The following CTNNA2 variants were observed in gnomAD, a reference collection of about 807,000 sequenced individuals.
CTNNA2 encodes the protein catenin alpha-2.
CTNNA2 carries 42 observed loss-of-function variants against 101.0 expected under a neutral mutation model. The observed-to-expected ratio is 0.42, with a 90% CI of 0.32 to 0.54. CTNNA2 has a LOEUF of 0.54. Among genes scored for constraint, CTNNA2 ranks in the 20% least tolerant of loss-of-function variants. The pLI is 0.14. For missense variants in CTNNA2, 871 were observed against 1,223.1 expected (o/e 0.71, Z 4.29); for synonymous variants, 450 against 456.4 (o/e 0.99, Z 0.18).
In CTNNA2 at chr2:79,585,629, T is replaced by TA. The variant is rs1477651588; in HGVS notation, c.-5-65923_-5-65922insA. Among the ~76,000 whole-genome samples, 4 of 152,268 alleles carry TA rather than the reference T, an allele frequency of 2.6e-5. No individual in the cohort carries two copies. The East Asian group carries it at 7.7e-4, about 29-fold the overall frequency. On this transcript the variant is annotated intron_variant, in intron 1 of 18. Transcript: ENST00000402739. ...AGAAAGTTTATCAGTGATGAGATTT[T>TA]TAGTTTTTAAATTCCTGGTAATGAA...
intron 9 of CTNNA2, among the ~76,000 whole-genome samples, chr2:80,539,383 A>C (rs574401597): frequency 9.8e-5 from 14 of 143,158 alleles, no homozygotes; most frequent in Admixed American, 9.1e-4. Flanking sequence ...TTAAGTATTC[A>C]TGTACTTACA....
At chr2:79,747,160 C>T (rs948486406) in intron 3 of CTNNA2, among the ~76,000 whole-genome samples, 14 of 152,098 alleles carry the variant, frequency 9.2e-5, no homozygotes, top group African/African-American at 3.4e-4. Flanking sequence ...TAAATTATTA[C>T]TTTAATTTGC....
intron 7 of CTNNA2, among the ~76,000 whole-genome samples, chr2:80,034,840 C>T (rs535350628): frequency 5.9e-5 from 9 of 152,218 alleles, no homozygotes; most frequent in African/African-American, 2.2e-4. Context: ...CATAAATCTG[C>T]ACAACTCCTG....
chr2:79,480,740 G>A (rs1445560520), intron 4 of CTNNA2, among the ~76,000 whole-genome samples: 2 of 152,042 alleles, frequency 1.3e-5, no homozygotes, highest in African/African-American at 4.8e-5. Flanking sequence ...CTGGTACTTC[G>A]ATTTTTTTCT....
At chr2:80,644,194 C>T (rs1299576180) in intron 18 of CTNNA2, among the ~76,000 whole-genome samples, 2 of 152,068 alleles carry the variant, frequency 1.3e-5, no homozygotes, top group African/African-American at 4.8e-5. Context: ...CTTACGTTAC[C>T]TCCCTAAGCT....
chr2:79,290,253 G>T (rs546166785), intron 2 of CTNNA2, among the ~76,000 whole-genome samples: 4 of 152,048 alleles, frequency 2.6e-5, no homozygotes, highest in African/African-American at 4.8e-5. Flanking sequence ...CCCTAACATT[G>T]GGTATGTTGA....
At chr2:79,807,191 T>G (rs890873514) in intron 3 of CTNNA2, among the ~76,000 whole-genome samples, 4 of 152,174 alleles carry the variant, frequency 2.6e-5, no homozygotes, top group African/African-American at 9.6e-5. Flanking sequence ...TCTACTAGAC[T>G]GGGAATTATT....
intron 7 of CTNNA2, among the ~76,000 whole-genome samples, chr2:80,355,998 G>A (rs1388687940): frequency 6.6e-6 from 1 of 151,432 alleles, no homozygotes; most frequent in Non-Finnish European, 1.5e-5. Context: ...AATAATCACT[G>A]TCCACCTGCT....
At chr2:80,005,203 ATGCAGTTG>A (rs1204238200) in intron 7 of CTNNA2, among the ~76,000 whole-genome samples, 1 of 152,202 alleles carries the variant, frequency 6.6e-6, no homozygotes, top group East Asian at 1.9e-4. Flanking sequence ...AGGGCCCTGC[ATGCAGTTG>A]TGTGCATATA....
chr2:79,645,997 G>GA (rs1020443149), intron 1 of CTNNA2, among the ~76,000 whole-genome samples: 37 of 152,124 alleles, frequency 2.4e-4, no homozygotes, highest in Admixed American at 4.6e-4. Context: ...TATTGGTGAA[G>GA]AAAAAAATTC....
At chr2:80,461,976 A>G (rs1684467420) in intron 9 of CTNNA2, among the ~76,000 whole-genome samples, 1 of 152,164 alleles carries the variant, frequency 6.6e-6, no homozygotes, top group Admixed American at 6.5e-5. Context: ...TCTGCTTTGC[A>G]AGACATCATT....
In CTNNA2 at chr2:80,303,436, C is replaced by T. The variant is rs200965141; in HGVS notation, c.1057-89775C>T. The T allele has an allele frequency of 2.5e-6, 4 of 1,614,172 alleles. No homozygotes were observed. Among genetic ancestry groups the T allele is most frequent in the Non-Finnish European group, 3.4e-6 (4 of 1,180,040 alleles). On this transcript the variant is annotated intron_variant, in intron 7 of 18. Transcript: ENST00000402739. The surrounding 1 kb of genome is among the most constrained non-coding windows in gnomAD (Gnocchi z 7.7). Reference sequence around the variant, plus strand: ...GCATGGGCCGGAAGGTGGTGTTGGGCAGTTGGGTGATCTGGTTGGAACTCA... The same window carrying T: ...GCATGGGCCGGAAGGTGGTGTTGGGTAGTTGGGTGATCTGGTTGGAACTCA...
chr2:79,286,113 C>A (rs890309884), intron 2 of CTNNA2, among the ~76,000 whole-genome samples: 1 of 151,830 alleles, frequency 6.6e-6, no homozygotes, highest in Non-Finnish European at 1.5e-5. Context: ...CTTGGTAGAT[C>A]TTCCTCCATC....
chr2:79,964,457 C>T (rs1178489534), intron 7 of CTNNA2, among the ~76,000 whole-genome samples: 2 of 151,260 alleles, frequency 1.3e-5, no homozygotes, highest in Non-Finnish European at 2.9e-5. Context: ...ATTACTTTTC[C>T]CCTTTTAGCA....
intron 9 of CTNNA2, among the ~76,000 whole-genome samples, chr2:80,480,330 A>G (rs530747377): frequency 1.3e-5 from 2 of 152,186 alleles, no homozygotes; most frequent in Non-Finnish European, 2.9e-5. Context: ...AAAATTTATT[A>G]TAAAATCTAG....
intron 3 of CTNNA2, among the ~76,000 whole-genome samples, chr2:79,846,029 A>C (rs1048263841): frequency 1.4e-4 from 21 of 152,212 alleles, no homozygotes; most frequent in South Asian, 8.3e-4. Context: ...ATGCCATTTA[A>C]ATCCTAAAAC....
intron 2 of CTNNA2, among the ~76,000 whole-genome samples, chr2:79,671,793 T>C (rs748384031): frequency 3.3e-5 from 5 of 152,190 alleles, no homozygotes; most frequent in Non-Finnish European, 7.3e-5. Flanking sequence ...TGAGATCTTG[T>C]TCTGGATTAC....
chr2:80,570,894 A>C (rs557659611), intron 12 of CTNNA2, among the ~76,000 whole-genome samples: 1 of 152,128 alleles, frequency 6.6e-6, no homozygotes, highest in Non-Finnish European at 1.5e-5. Flanking sequence ...CCTCTTCTCC[A>C]AACTGTATGT....
chr2:79,708,781 T>C (rs1012822098), intron 2 of CTNNA2, among the ~76,000 whole-genome samples: 3 of 152,218 alleles, frequency 2.0e-5, no homozygotes, highest in African/African-American at 7.2e-5. Context: ...TTAATATTGA[T>C]ATAGTTCATC....
Sources: gnomAD v4.1 joint callset for allele counts (sites outside exome capture counted in the v4.1 genomes callset) on GRCh38, gnomAD v4.1.1 for gene constraint, Gnocchi (gnomAD v3.1) non-coding constraint, MANE v1.5 for transcripts, NCBI Gene and HGNC (gene_info 2026-07-23, HGNC 2026-07-21) for gene names.